DMD: variants seen among roughly 807,000 people sequenced by gnomAD.
DMD encodes mutant dystrophin.
In DMD, 63 loss-of-function variants were observed where a neutral mutation model predicts 330.1. The ratio of observed to expected loss-of-function variants is 0.19; its 90% CI spans 0.16 to 0.24. DMD has a LOEUF of 0.24. Among genes scored for constraint, DMD ranks in the 10% least tolerant of loss-of-function variants. DMD has a pLI of 1.00. For synonymous variants in DMD, 1,223 were observed against 959.8 expected (o/e 1.27, Z -5.07); for missense variants, 3,344 against 2,684.1 (o/e 1.25, Z -5.43).
chrX:32,996,716 C>G (rs1021996398), intron 2 of DMD, among the ~76,000 whole-genome samples: 1 of 110,043 alleles, frequency 9.1e-6, no homozygotes, highest in Non-Finnish European at 1.9e-5. Context: ...ACCTGGGAGG[C>G]CGAGGCAGGA....
chrX:31,287,417 C>T (rs996581291), intron 62 of DMD, among the ~76,000 whole-genome samples: 3 of 112,634 alleles, frequency 2.7e-5, no homozygotes, highest in African/African-American at 9.7e-5. Context: ...TAACTGGCAG[C>T]AGGCACTTTG....
intron 1 of DMD, among the ~76,000 whole-genome samples, chrX:33,068,621 C>T (rs1193641890): frequency 8.9e-6 from 1 of 112,199 alleles, no homozygotes; most frequent in Non-Finnish European, 1.9e-5. Context: ...TATGTGTGTG[C>T]TTATATATGT....
intron 60 of DMD, among the ~76,000 whole-genome samples, chrX:31,361,770 C>CTTTT (rs1174751121): frequency 2.1e-5 from 2 of 93,416 alleles, no homozygotes; most frequent in African/African-American, 8.3e-5. Context: ...CTCTTACCAT[C>CTTTT]TTTTTTTTTT....
At chrX:31,430,359 A>T (rs1179391709) in intron 60 of DMD, among the ~76,000 whole-genome samples, 1 of 111,392 alleles carries the variant, frequency 9.0e-6, no homozygotes, top group East Asian at 2.8e-4. Flanking sequence ...TAACAGGACA[A>T]CTCATCCCAT....
intron 2 of DMD, among the ~76,000 whole-genome samples, chrX:32,940,162 G>A (rs1258279228): frequency 2.7e-5 from 3 of 111,646 alleles, no homozygotes; most frequent in Admixed American, 1.9e-4. Flanking sequence ...ATGGTATAAC[G>A]TTTCAGTTAC....
chrX:32,170,361 AT>A (rs1460773453), intron 44 of DMD, among the ~76,000 whole-genome samples: 1 of 109,200 alleles, frequency 9.2e-6, no homozygotes, highest in Non-Finnish European at 1.9e-5. Flanking sequence ...AATCCCAGCT[AT>A]TCAGGAGGCT....
chrX:32,520,062 G>C (rs1159838045), intron 17 of DMD, among the ~76,000 whole-genome samples: 1 of 111,290 alleles, frequency 9.0e-6, no homozygotes, highest in Non-Finnish European at 1.9e-5. Flanking sequence ...TAAGAGACTA[G>C]GGATCCTGAT....
At chrX:31,995,906 T>G (rs1242529405) in intron 44 of DMD, among the ~76,000 whole-genome samples, 2 of 112,102 alleles carry the variant, frequency 1.8e-5, no homozygotes, top group Non-Finnish European at 3.8e-5. Context: ...TATTTTCTAT[T>G]TCTCCCTATA....
intron 7 of DMD, among the ~76,000 whole-genome samples, chrX:32,720,909 A>T (rs2066234537): frequency 9.0e-6 from 1 of 111,639 alleles, no homozygotes; most frequent in South Asian, 3.7e-4. Context: ...TCACCATTCT[A>T]CTGTCTATGT....
At chrX:32,776,515 G>A (rs1322556612) in intron 7 of DMD, among the ~76,000 whole-genome samples, 1 of 111,353 alleles carries the variant, frequency 9.0e-6, no homozygotes, top group Non-Finnish European at 1.9e-5. Context: ...CAATCATGGT[G>A]GAAGGTGAAG....
At chrX:32,877,180 C>T (rs1201713160) in intron 2 of DMD, among the ~76,000 whole-genome samples, 2 of 111,949 alleles carry the variant, frequency 1.8e-5, no homozygotes, top group African/African-American at 3.2e-5. Flanking sequence ...CACTTGACTA[C>T]ACTTCTGACA....
At chrX:33,259,234 C>T (rs1317335968) in intron 1 of DMD, among the ~76,000 whole-genome samples, 4 of 110,114 alleles carry the variant, frequency 3.6e-5, no homozygotes, top group Non-Finnish European at 7.6e-5. Context: ...TTCTCATATA[C>T]CATCTAGCCC....
chrX:31,944,488 T>A (rs1319977497), intron 45 of DMD, among the ~76,000 whole-genome samples: 1 of 107,988 alleles, frequency 9.3e-6, no homozygotes, highest in Non-Finnish European at 1.9e-5. Context: ...CACTTTTTTT[T>A]TTTTTTTTGA....
At chrX:33,114,305 T>G (rs2095365056) in intron 1 of DMD, among the ~76,000 whole-genome samples, 1 of 109,560 alleles carries the variant, frequency 9.1e-6, no homozygotes, top group Non-Finnish European at 1.9e-5. Context: ...AGACGGGGTT[T>G]CACCATGTTG....
At chrX:32,706,072 T>C (rs2064605608) in intron 7 of DMD, among the ~76,000 whole-genome samples, 1 of 107,523 alleles carries the variant, frequency 9.3e-6, no homozygotes, top group Admixed American at 1.0e-4. Context: ...TCATGTCCTT[T>C]GTAGGGACAT....
intron 55 of DMD, among the ~76,000 whole-genome samples, chrX:31,571,947 TATTC>T (rs1221416831): frequency 9.0e-6 from 1 of 111,513 alleles, no homozygotes; most frequent in Non-Finnish European, 1.9e-5. Context: ...GGCCAAGACT[TATTC>T]TAAAGAATTG....
At chrX:32,205,575 A>C (rs1010638169) in intron 44 of DMD, among the ~76,000 whole-genome samples, 2 of 111,330 alleles carry the variant, frequency 1.8e-5, no homozygotes, top group East Asian at 5.6e-4. Flanking sequence ...TAAATGTTTC[A>C]ATTGTTTAAA....
intron 17 of DMD, among the ~76,000 whole-genome samples, chrX:32,523,932 CTTTTTTT>C (rs57254581): frequency 5.7e-5 from 5 of 87,449 alleles, no homozygotes; most frequent in Non-Finnish European, 1.1e-4. Context: ...CAAAAGAAAT[CTTTTTTT>C]TTTTTTTTTT....
intron 2 of DMD, among the ~76,000 whole-genome samples, chrX:32,954,942 T>C (rs1302444730): frequency 1.8e-5 from 2 of 112,246 alleles, no homozygotes; most frequent in East Asian, 5.6e-4. Flanking sequence ...CAGTCTATCA[T>C]TGGTGGGCAT....
Sources: gnomAD v4.1 joint callset for allele counts (sites outside exome capture counted in the v4.1 genomes callset) on GRCh38, gnomAD v4.1.1 for gene constraint, MANE v1.5 for transcripts, NCBI Gene and HGNC (gene_info 2026-07-23, HGNC 2026-07-21) for gene names.